GRM7: variants seen among roughly 807,000 people sequenced by gnomAD.
GRM7 encodes the protein metabotropic glutamate receptor 7.
A neutral mutation model predicts 84.5 loss-of-function variants in GRM7; 35 were observed. The ratio of observed to expected loss-of-function variants is 0.41; its 90% CI spans 0.32 to 0.55. The LOEUF (loss-of-function observed/expected upper bound fraction) is 0.55. Ranked by LOEUF, GRM7 falls within the 20% of genes least tolerant of loss-of-function variation. The pLI, the probability that GRM7 is intolerant of heterozygous loss-of-function variation, is 0.19. For missense variants in GRM7, 1,003 were observed against 1,194.6 expected (o/e 0.84, Z 2.36); for synonymous variants, 487 against 455.1 (o/e 1.07, Z -0.89).
At chr3:6,949,184 T>C (rs1364469256) in intron 1 of GRM7, among the ~76,000 whole-genome samples, 1 of 152,240 alleles carries the variant, frequency 6.6e-6, no homozygotes, top group Non-Finnish European at 1.5e-5. Flanking sequence ...GTTTTTGCAG[T>C]GGCTGGTACC....
At chr3:7,349,305 A>G (rs1312286800) in intron 4 of GRM7, among the ~76,000 whole-genome samples, 1 of 152,022 alleles carries the variant, frequency 6.6e-6, no homozygotes, top group Non-Finnish European at 1.5e-5. Context: ...CAAACTTTCC[A>G]TTTCAGGTTG....
chr3:7,210,458 T>C (rs749485108), intron 2 of GRM7, among the ~76,000 whole-genome samples: 12 of 152,268 alleles, frequency 7.9e-5, no homozygotes, highest in Middle Eastern at 3.4e-3. Context: ...TGATAAACTG[T>C]AGGGAGAAGA....
intron 2 of GRM7, among the ~76,000 whole-genome samples, chr3:7,152,694 G>C (rs1363143668): frequency 6.6e-6 from 1 of 152,108 alleles, no homozygotes; most frequent in East Asian, 1.9e-4. Flanking sequence ...TCCTCTTTTG[G>C]AATTCATGGT....
chr3:6,928,091 G>T lies in GRM7; in HGVS notation c.519+66184G>T, dbSNP rs62235405. On this transcript the variant is annotated intron_variant, in intron 1 of 9. Coordinates refer to ENST00000357716, the MANE Select transcript of GRM7 (RefSeq NM_000844.4). The surrounding 1 kb of genome is among the most constrained non-coding windows in gnomAD (Gnocchi z 4.5). ...CAGTTATATCCCTTTTATCTGTTTTGCTCCTTTTTTTTTTTTCTACACTGC... is the reference window on the plus strand; with the variant it reads ...CAGTTATATCCCTTTTATCTGTTTTTCTCCTTTTTTTTTTTTCTACACTGC... 0.074 allele frequency among the ~76,000 whole-genome samples: 11,106 copies of T among 150,982 alleles called. 567 individuals carry two copies. Among genetic ancestry groups the T allele is most frequent in the Non-Finnish European group, 0.11 (7,392 of 67,770 alleles).
At chr3:7,123,517 G>A (rs1321546539) in intron 1 of GRM7, among the ~76,000 whole-genome samples, 1 of 152,150 alleles carries the variant, frequency 6.6e-6, no homozygotes, top group African/African-American at 2.4e-5. Context: ...TATTTGGGAG[G>A]TTGAGGCAGG....
At chr3:7,634,122 T>C (rs1270348935) in intron 8 of GRM7, among the ~76,000 whole-genome samples, 5 of 152,184 alleles carry the variant, frequency 3.3e-5, no homozygotes. Context: ...ATTTCCTGCT[T>C]CCCTTCTTTC....
At chr3:7,036,513 C>T (rs1203290010) in intron 1 of GRM7, among the ~76,000 whole-genome samples, 2 of 152,232 alleles carry the variant, frequency 1.3e-5, no homozygotes, top group East Asian at 1.9e-4. Context: ...CCAACACTTA[C>T]ATCTAATTCA....
chr3:7,405,841 A>G lies in GRM7; in HGVS notation c.1034-9182A>G, dbSNP rs549798211. On this transcript the variant is annotated intron_variant, in intron 4 of 9. Coordinates refer to ENST00000357716, the MANE Select transcript of GRM7 (RefSeq NM_000844.4). ...AAATATCACTCATCATCTATTCATC[A>G]CATCATCTAATATCAACAGTAGGTT... is the stretch of plus-strand genomic sequence containing the variant. Among the ~76,000 whole-genome samples, 84 of 152,206 alleles carry G rather than the reference A, an allele frequency of 5.5e-4. No homozygotes were observed. The South Asian group carries it at 0.017, about 30-fold the overall frequency.
chr3:7,425,187 C>T (rs974312469), intron 5 of GRM7, among the ~76,000 whole-genome samples: 8 of 152,132 alleles, frequency 5.3e-5, no homozygotes, highest in African/African-American at 1.9e-4. Flanking sequence ...TGATAATGAT[C>T]CTGGATTGAT....
At chr3:7,721,550 G>C (rs1338064578) in intron 9 of GRM7, among the ~76,000 whole-genome samples, 1 of 152,204 alleles carries the variant, frequency 6.6e-6, no homozygotes, top group African/African-American at 2.4e-5. Flanking sequence ...GCAAAATTGA[G>C]TAGTGAATAA....
intron 1 of GRM7, among the ~76,000 whole-genome samples, chr3:6,944,894 C>G (rs1308612600): frequency 6.6e-6 from 1 of 152,048 alleles, no homozygotes; most frequent in Non-Finnish European, 1.5e-5. Context: ...TTTAACATGT[C>G]TTTGATCTAA....
chr3:7,181,092 CATAGAT>C (rs1695321201), intron 2 of GRM7, among the ~76,000 whole-genome samples: 1 of 152,160 alleles, frequency 6.6e-6, no homozygotes, highest in Non-Finnish European at 1.5e-5. Flanking sequence ...ATATTTTTAT[CATAGAT>C]ATAGAGACGG....
chr3:6,983,210 C>CA (rs1694272127), intron 1 of GRM7, among the ~76,000 whole-genome samples: 1 of 152,176 alleles, frequency 6.6e-6, no homozygotes, highest in African/African-American at 2.4e-5. Flanking sequence ...TAAAAGGCCA[C>CA]ACATCTCTGA....
chr3:7,264,986 T>G (rs1371064594), intron 2 of GRM7, among the ~76,000 whole-genome samples: 6 of 152,256 alleles, frequency 3.9e-5, no homozygotes, highest in African/African-American at 1.4e-4. Flanking sequence ...TCAATAAAGG[T>G]TGTATTTACC....
chr3:7,525,228 G>T (rs948119433), intron 7 of GRM7, among the ~76,000 whole-genome samples: 10 of 151,686 alleles, frequency 6.6e-5, no homozygotes, highest in African/African-American at 2.4e-4. Flanking sequence ...AACTAACCTG[G>T]ACATTGTGCA....
At chr3:7,501,084 T>G (rs1329704186) in intron 7 of GRM7, among the ~76,000 whole-genome samples, 1 of 152,220 alleles carries the variant, frequency 6.6e-6, no homozygotes, top group Non-Finnish European at 1.5e-5. Flanking sequence ...TGATCTTTAT[T>G]GACTATATAG....
intron 7 of GRM7, among the ~76,000 whole-genome samples, chr3:7,518,721 T>C (rs1442945180): frequency 3.3e-5 from 5 of 152,166 alleles, no homozygotes; most frequent in African/African-American, 2.4e-5. Context: ...TTTAAAACCA[T>C]AGCTGCTCAA....
chr3:7,489,198 C>T (rs1033875471), intron 7 of GRM7, among the ~76,000 whole-genome samples: 1 of 152,126 alleles, frequency 6.6e-6, no homozygotes, highest in African/African-American at 2.4e-5. Context: ...TACAACATGA[C>T]CCAAATACAC....
At chr3:6,885,576 T>G (rs1246744987) in intron 1 of GRM7, among the ~76,000 whole-genome samples, 1 of 152,204 alleles carries the variant, frequency 6.6e-6, no homozygotes, top group African/African-American at 2.4e-5. Flanking sequence ...CAAAGCCTAG[T>G]CCTGCCTCCT....
Sources: gnomAD v4.1 joint callset for allele counts (sites outside exome capture counted in the v4.1 genomes callset) on GRCh38, gnomAD v4.1.1 for gene constraint, Gnocchi (gnomAD v3.1) non-coding constraint, MANE v1.5 for transcripts, NCBI Gene and HGNC (gene_info 2026-07-23, HGNC 2026-07-21) for gene names.